GCNT2: variants seen among roughly 807,000 people sequenced by gnomAD.
GCNT2 encodes glucosaminyl (N-acetyl) transferase 2 (I blood group).
GCNT2 carries 34 observed loss-of-function variants against 34.2 expected under a neutral mutation model. That is an observed-to-expected ratio of 1.00 (90% CI 0.76 to 1.32). The LOEUF is 1.32. Ranked by LOEUF, GCNT2 falls within the 40% of genes most tolerant of loss-of-function variation. GCNT2 has a pLI of 0.00. For synonymous variants in GCNT2, 212 were observed against 188.0 expected, an observed-to-expected ratio of 1.13 and a Z score of -1.04; for missense variants, 584 against 489.4, an observed-to-expected ratio of 1.19 and a Z score of -1.82.
chr6:10,539,505 T>C (rs1761941730), intron 3 of GCNT2, among the ~76,000 whole-genome samples: 1 of 152,084 alleles, frequency 6.6e-6, no homozygotes, highest in African/African-American at 2.4e-5. Flanking sequence ...TCTCTTTAAC[T>C]TTGGGCAAAT....
chr6:10,551,427 A>G (rs978692298), intron 3 of GCNT2, among the ~76,000 whole-genome samples: 2 of 145,214 alleles, frequency 1.4e-5, no homozygotes, highest in Non-Finnish European at 3.0e-5. Flanking sequence ...TTTAATTTTT[A>G]TTATTTATTA....
At chr6:10,608,444 A>T (rs1229203363) in intron 3 of GCNT2, among the ~76,000 whole-genome samples, 2 of 152,206 alleles carry the variant, frequency 1.3e-5, no homozygotes, top group Non-Finnish European at 2.9e-5. Context: ...GTACCAATTT[A>T]TACTCCCACT....
At chr6:10,591,681 A>G (rs974555457) in intron 3 of GCNT2, among the ~76,000 whole-genome samples, 8 of 152,112 alleles carry the variant, frequency 5.3e-5, no homozygotes, top group African/African-American at 1.7e-4. Context: ...TCCTGCTAGT[A>G]CCACTCCCGG....
intron 3 of GCNT2, among the ~76,000 whole-genome samples, chr6:10,563,270 G>C (rs1480158121): frequency 6.6e-6 from 1 of 152,142 alleles, no homozygotes; most frequent in Non-Finnish European, 1.5e-5. Flanking sequence ...AATTTTAACT[G>C]ACCTAACCGT....
At chr6:10,585,031 C>CTG (rs1554133958) in intron 3 of GCNT2, among the ~76,000 whole-genome samples, 3 of 97,264 alleles carry the variant, frequency 3.1e-5, no homozygotes, top group Admixed American at 1.1e-4. Context: ...TTCCCATAGT[C>CTG]AGTGTGTGTG....
chr6:10,534,544 C>G (rs375909327), intron 3 of GCNT2, among the ~76,000 whole-genome samples: 76 of 152,268 alleles, frequency 5.0e-4, no homozygotes, highest in African/African-American at 1.8e-3. Flanking sequence ...GATCCCCGTT[C>G]TCATTCCACA....
At chr6:10,560,113 G>C (rs543188156) in intron 3 of GCNT2, among the ~76,000 whole-genome samples, 255 of 152,086 alleles carry the variant, frequency 1.7e-3, no homozygotes, top group African/African-American at 5.9e-3. Context: ...TTTTGAGACA[G>C]AGTCTCACTC....
At chr6:10,617,765 T>C (rs1443338878) in intron 3 of GCNT2, among the ~76,000 whole-genome samples, 1 of 134,920 alleles carries the variant, frequency 7.4e-6, no homozygotes, top group Non-Finnish European at 1.5e-5. Flanking sequence ...TTTTTTTTTT[T>C]TTTTTTTGAC....
intron 3 of GCNT2, among the ~76,000 whole-genome samples, chr6:10,572,780 A>G (rs368576994): frequency 6.6e-6 from 1 of 152,316 alleles, no homozygotes; most frequent in African/African-American, 2.4e-5. Context: ...TAGATGGCTA[A>G]ATATAAAATG....
intron 3 of GCNT2, among the ~76,000 whole-genome samples, chr6:10,583,500 G>A (rs1764212257): frequency 6.6e-6 from 1 of 152,182 alleles, no homozygotes; most frequent in South Asian, 2.1e-4. Flanking sequence ...TGTCCTTACC[G>A]TCCGCATCAA....
At chr6:10,601,939 T>TTAA (rs1561830857) in intron 3 of GCNT2, among the ~76,000 whole-genome samples, 19 of 76,382 alleles carry the variant, frequency 2.5e-4, no homozygotes, top group African/African-American at 1.3e-3. Flanking sequence ...AGACTCCATC[T>TTAA]CAAGAAAAAA....
chr6:10,541,378 G>A (rs560494064), intron 3 of GCNT2, among the ~76,000 whole-genome samples: 13 of 152,236 alleles, frequency 8.5e-5, no homozygotes, highest in East Asian at 7.7e-4. Context: ...ATTCTATGGC[G>A]TATATATACG....
chr6:10,547,320 G>A (rs79117652), intron 3 of GCNT2, among the ~76,000 whole-genome samples: 2 of 152,260 alleles, frequency 1.3e-5, no homozygotes, highest in East Asian at 1.9e-4. Flanking sequence ...CCCTATTCCA[G>A]TGTGCATGGT....
At chr6:10,607,675 A>T (rs1477000838) in intron 3 of GCNT2, among the ~76,000 whole-genome samples, 1 of 152,202 alleles carries the variant, frequency 6.6e-6, no homozygotes, top group Non-Finnish European at 1.5e-5. Flanking sequence ...TAATTTATTT[A>T]GAAAAGCCCT....
At chr6:10,567,957 T>C (rs1040708959) in intron 3 of GCNT2, among the ~76,000 whole-genome samples, 1 of 152,232 alleles carries the variant, frequency 6.6e-6, no homozygotes, top group Non-Finnish European at 1.5e-5. Flanking sequence ...TCTGTTCTTT[T>C]CATCTTCTTG....
intron 3 of GCNT2, among the ~76,000 whole-genome samples, chr6:10,548,793 C>T (rs1177189361): frequency 6.6e-6 from 1 of 151,836 alleles, no homozygotes; most frequent in East Asian, 1.9e-4. Flanking sequence ...CGAAGTCTCG[C>T]TGTCACCCAG....
chr6:10,613,946 T>C (rs1765662366), intron 3 of GCNT2, among the ~76,000 whole-genome samples: 4 of 152,110 alleles, frequency 2.6e-5, no homozygotes, highest in Admixed American at 2.6e-4. Context: ...CTGGGATCAG[T>C]CTCTGGCAGC....
intron 4 of GCNT2, among the ~76,000 whole-genome samples, chr6:10,624,484 C>T (rs764391875): frequency 1.3e-5 from 2 of 152,126 alleles, no homozygotes; most frequent in Non-Finnish European, 2.9e-5. Flanking sequence ...CTGCCCCCCA[C>T]GATTCAACTA....
intron 3 of GCNT2, chr6:10,585,890 C>T (rs181342389): frequency 9.5e-6 from 15 of 1,578,960 alleles, no homozygotes; most frequent in Admixed American, 7.1e-5. Flanking sequence ...GAGAAGCTGT[C>T]GAAATTCAAG....
Sources: allele counts gnomAD v4.1 joint callset (sites outside exome capture counted in the v4.1 genomes callset), GRCh38; gene constraint gnomAD v4.1.1; transcripts MANE v1.5; gene names NCBI Gene and HGNC (gene_info 2026-07-23, HGNC 2026-07-21).